The following MAGI1 variants were observed in gnomAD, a reference collection of about 807,000 sequenced individuals.
MAGI1 encodes membrane-associated guanylate kinase, WW and PDZ domain-containing protein 1.
A neutral mutation model predicts 139.9 loss-of-function variants in MAGI1; 58 were observed. The ratio of observed to expected loss-of-function variants is 0.41; its 90% CI spans 0.34 to 0.52. MAGI1 has a LOEUF of 0.52. Among genes scored for constraint, MAGI1 ranks in the 20% least tolerant of loss-of-function variants. The pLI, the probability that MAGI1 is intolerant of heterozygous loss-of-function variation, is 0.12. For synonymous variants in MAGI1, 812 were observed against 737.9 expected (o/e 1.10, Z -1.63); for missense variants, 1,874 against 1,901.6 (o/e 0.99, Z 0.27).
rs1394895376 is a variant in MAGI1 at position 65,354,517 on chromosome 3, A to C, written c.*1861T>G. Reference sequence around the variant, plus strand: ...ACAGAAAGAGCATTAAGTCCATAGCACACTGCAAGAAATAAATGAGTGAAG... The same window carrying C: ...ACAGAAAGAGCATTAAGTCCATAGCCCACTGCAAGAAATAAATGAGTGAAG... On this transcript the variant is annotated 3_prime_UTR_variant, in exon 23 of 23. Coordinates refer to ENST00000402939, the MANE Select transcript of MAGI1 (RefSeq NM_001033057.2). 1.3e-5 allele frequency: 2 copies of C among 152,682 alleles called. No homozygotes were observed. The highest frequency in any genetic ancestry group is 4.8e-5 in the African/African-American group (2 of 41,476). The allele number at this position is 152,682 out of a possible 1,614,324, so 9.5% of individuals were successfully genotyped here.
chr3:66,034,628 A>G (rs181872905), intron 1 of MAGI1, among the ~76,000 whole-genome samples: 1 of 152,218 alleles, frequency 6.6e-6, no homozygotes, highest in African/African-American at 2.4e-5. Context: ...AGAGCAACTG[A>G]AACATTAATA....
intron 5 of MAGI1, among the ~76,000 whole-genome samples, chr3:65,453,574 G>A (rs1171056399): frequency 6.6e-6 from 1 of 152,026 alleles, no homozygotes; most frequent in Non-Finnish European, 1.5e-5. Flanking sequence ...ATTACTGAAA[G>A]CTTAAAAAAT....
chr3:65,360,700 G>T (rs2106712095), intron 22 of MAGI1: 1 of 992,274 alleles, frequency 1.0e-6, no homozygotes. Flanking sequence ...ATGGAGAAGT[G>T]TTGTATACAG....
intron 2 of MAGI1, among the ~76,000 whole-genome samples, chr3:65,525,268 C>G (rs2078331142): frequency 6.6e-6 from 1 of 152,174 alleles, no homozygotes; most frequent in Non-Finnish European, 1.5e-5. Context: ...GTACCTTTCT[C>G]AAATCTGCAA....
intron 1 of MAGI1, among the ~76,000 whole-genome samples, chr3:65,816,634 A>AG (rs998654289): frequency 4.3e-5 from 4 of 92,824 alleles, no homozygotes; most frequent in African/African-American, 1.0e-4. Flanking sequence ...AGTAGCTAAC[A>AG]GGGGAAAAAA....
chr3:65,733,226 T>C (rs1269334082), intron 1 of MAGI1, among the ~76,000 whole-genome samples: 1 of 151,996 alleles, frequency 6.6e-6, no homozygotes, highest in Admixed American at 6.6e-5. Flanking sequence ...GCCCCGCTAA[T>C]TTTTTGTATT....
At chr3:65,447,993 T>TGCA in intron 7 of MAGI1, 29 bp downstream of exon 7, 3 of 1,613,702 alleles carry the variant, frequency 1.9e-6, no homozygotes, top group Non-Finnish European at 8.5e-7. Context: ...GCACGTGTCA[T>TGCA]GCAGCAGCAG....
chr3:65,987,925 A>G (rs11920238), intron 1 of MAGI1, among the ~76,000 whole-genome samples: 5,461 of 152,312 alleles, frequency 0.036, 300 homozygotes, highest in African/African-American at 0.13. Flanking sequence ...ATTACATATC[A>G]AAACTGTAAA....
chr3:65,358,970 T>C (rs1940495716), intron 22 of MAGI1: 4 of 1,134,804 alleles, frequency 3.5e-6, no homozygotes, highest in Non-Finnish European at 1.3e-6. Flanking sequence ...GTGCTCAGAA[T>C]GAATTGCCAA....
At chr3:65,619,854 T>A (rs993751765) in intron 2 of MAGI1, 73 of 984,924 alleles carry the variant, frequency 7.4e-5, no homozygotes, top group Non-Finnish European at 8.3e-5. Flanking sequence ...TTGTTACCTG[T>A]TTTCTCTTTT....
intron 1 of MAGI1, among the ~76,000 whole-genome samples, chr3:65,840,797 G>C (rs945571836): frequency 7.9e-5 from 12 of 152,134 alleles, no homozygotes; most frequent in African/African-American, 2.4e-4. Context: ...GATAAAACTA[G>C]CTTCATAAAG....
At chr3:65,810,623 T>C (rs2041165735) in intron 1 of MAGI1, among the ~76,000 whole-genome samples, 1 of 152,230 alleles carries the variant, frequency 6.6e-6, no homozygotes, top group Non-Finnish European at 1.5e-5. Context: ...GTTTCATCTC[T>C]GTCAGGAATG....
chr3:65,471,977 A>G (rs1950583967), intron 4 of MAGI1, among the ~76,000 whole-genome samples: 1 of 152,266 alleles, frequency 6.6e-6, no homozygotes, highest in South Asian at 2.1e-4. Context: ...GTCATCTAAT[A>G]TCACTGACTG....
chr3:65,478,005 A>G (rs1951005707), intron 4 of MAGI1, among the ~76,000 whole-genome samples: 1 of 152,162 alleles, frequency 6.6e-6, no homozygotes, highest in Admixed American at 6.5e-5. Flanking sequence ...GCTATATAAT[A>G]TAGAATGCAT....
intron 1 of MAGI1, among the ~76,000 whole-genome samples, chr3:65,790,995 A>G (rs780825327): frequency 6.6e-6 from 1 of 152,172 alleles, no homozygotes; most frequent in Admixed American, 6.5e-5. Context: ...GAATCACTTG[A>G]GCCCAGGAAG....
chr3:65,469,233 A>G (rs1950397464), intron 5 of MAGI1, among the ~76,000 whole-genome samples: 1 of 152,114 alleles, frequency 6.6e-6, no homozygotes, highest in Admixed American at 6.5e-5. Flanking sequence ...AGTTTTCTGC[A>G]ATGTCCTCCC....
In MAGI1 at chr3:65,627,485, C is replaced by CTTTTTTTTTTTTTTTTTTTTTTTTTTT. The variant is rs779588733; in HGVS notation, c.314-5424_314-5398dup. Among the ~76,000 whole-genome samples the CTTTTTTTTTTTTTTTTTTTTTTTTTTT allele has an allele frequency of 7.1e-5, 2 of 28,322 alleles. 1 individual carries two copies. Among genetic ancestry groups the CTTTTTTTTTTTTTTTTTTTTTTTTTTT allele is most frequent in the African/African-American group, 2.4e-4 (2 of 8,462 alleles). 18.6% of individuals were successfully genotyped at this position (28,322 alleles called of 152,430 possible). A position where few individuals can be genotyped will look rare whatever the true frequency, so the allele number is the denominator to read the frequency against. On this transcript the variant is annotated intron_variant, in intron 1 of 22. Coordinates refer to ENST00000402939, the MANE Select transcript of MAGI1 (RefSeq NM_001033057.2). The stretch of plus-strand genomic sequence containing the variant: ...TTGCCGTTATTTTATATTTCTGTAT[C>CTTTTTTTTTTTTTTTTTTTTTTTTTTT]TTTTTTTTTTTTTTTTTTTTTTTTT...
intron 1 of MAGI1, among the ~76,000 whole-genome samples, chr3:65,766,886 C>A (rs2037525721): frequency 1.3e-5 from 2 of 152,088 alleles, no homozygotes; most frequent in African/African-American, 4.8e-5. Flanking sequence ...GAGACTCCAT[C>A]TCAAATAGTA....
intron 1 of MAGI1, among the ~76,000 whole-genome samples, chr3:65,743,920 A>T (rs2035483333): frequency 6.6e-6 from 1 of 152,020 alleles, no homozygotes; most frequent in African/African-American, 2.4e-5. Flanking sequence ...ACTCACCAAG[A>T]CACCATGATT....
Sources: allele counts gnomAD v4.1 joint callset (sites outside exome capture counted in the v4.1 genomes callset), GRCh38; gene constraint gnomAD v4.1.1; transcripts MANE v1.5; gene names NCBI Gene and HGNC (gene_info 2026-07-23, HGNC 2026-07-21).